The following KATNAL1 variants were observed in gnomAD, a reference collection of about 807,000 sequenced individuals.
KATNAL1 encodes the protein katanin p60 ATPase-containing subunit A-like 1.
A neutral mutation model predicts 55.2 loss-of-function variants in KATNAL1; 32 were observed. That is an observed-to-expected ratio of 0.58 (90% CI 0.44 to 0.78). The LOEUF is 0.78. Among genes scored for constraint, KATNAL1 ranks in the 30% least tolerant of loss-of-function variants. The pLI is 0.00. For missense variants in KATNAL1, 466 were observed against 600.9 expected (o/e 0.78, Z 2.35); for synonymous variants, 193 against 193.6 (o/e 1.00, Z 0.02).
At chr13:30,229,731 A>C (rs542167165) in intron 8 of KATNAL1, among the ~76,000 whole-genome samples, 441 of 152,130 alleles carry the variant, frequency 2.9e-3, no homozygotes, top group South Asian at 0.018. Context: ...AACAAAAAAA[A>C]TTATTGAGAA....
chr13:30,260,554 C>T (rs1053095496), intron 3 of KATNAL1, among the ~76,000 whole-genome samples: 4 of 152,088 alleles, frequency 2.6e-5, no homozygotes, highest in East Asian at 3.9e-4. Context: ...AACCAAGGCT[C>T]GAGAACTACG....
intron 4 of KATNAL1, among the ~76,000 whole-genome samples, chr13:30,249,708 CTTTGGGAAAGAGGTA>C (rs1213783737): frequency 6.6e-6 from 1 of 152,108 alleles, no homozygotes; most frequent in African/African-American, 2.4e-5. Context: ...CAGTGGTTAC[CTTTGGGAAAGAGGTA>C]AGTGGCAAGG....
chr13:30,229,107 C>T (rs563026817), intron 8 of KATNAL1, among the ~76,000 whole-genome samples: 1 of 152,214 alleles, frequency 6.6e-6, no homozygotes, highest in African/African-American at 2.4e-5. Context: ...TTTGCTTGAA[C>T]GGCCTCTTGT....
rs1202419702 is a variant in KATNAL1 at position 30,210,346 on chromosome 13, T to C, written c.1244A>G (p.Tyr415Cys). 9 of 1,608,100 alleles carry C rather than the reference T, an allele frequency of 5.6e-6. No homozygotes were observed. Among genetic ancestry groups the C allele is most frequent in the Non-Finnish European group, 7.6e-6 (9 of 1,178,082 alleles). Residue 415 changes from tyrosine (Y) to cysteine (C), a missense_variant, in exon 10 of 11, where the codon TAT (tyrosine) becomes TGT (cysteine). Coordinates refer to ENST00000380615, the MANE Select transcript of KATNAL1 (RefSeq NM_032116.5). ...LEDIAEKIEGYSGADITNVCR... is the reference protein window; with the variant it reads ...LEDIAEKIEGCSGADITNVCR... ...AACATTAGTGATGTCAGCACCAGAA[T>C]AGCCCTCAATCTTCTCGGCTATATC...
intron 9 of KATNAL1, among the ~76,000 whole-genome samples, chr13:30,216,484 G>A (rs1312167868): frequency 6.6e-6 from 1 of 152,182 alleles, no homozygotes; most frequent in African/African-American, 2.4e-5. Flanking sequence ...ACCAAGCAGA[G>A]CAGTGCCAAA....
chr13:30,227,141 C>T (rs948852775), intron 9 of KATNAL1, among the ~76,000 whole-genome samples: 5 of 151,928 alleles, frequency 3.3e-5, no homozygotes, highest in African/African-American at 1.2e-4. Flanking sequence ...ACAGCATATT[C>T]TGAAAAAGAT....
At chr13:30,210,543 A>C in intron 9 of KATNAL1, 101 bp from the exon 10 acceptor site, 1 of 1,003,078 alleles carries the variant, frequency 1.0e-6, no homozygotes, top group Non-Finnish European at 1.5e-6. Flanking sequence ...AGGCCAATGC[A>C]AAGAAGAGTC....
chr13:30,248,640 C>A (rs1257138230), intron 4 of KATNAL1, among the ~76,000 whole-genome samples: 2 of 152,234 alleles, frequency 1.3e-5, no homozygotes, highest in Non-Finnish European at 2.9e-5. Flanking sequence ...AAAAGACTGA[C>A]AACGCCGGGC....
intron 3 of KATNAL1, among the ~76,000 whole-genome samples, chr13:30,272,041 T>C (rs1299604737): frequency 6.6e-6 from 1 of 152,148 alleles, no homozygotes; most frequent in Non-Finnish European, 1.5e-5. Context: ...AGGAAGTTAT[T>C]TGGTATTTTC....
chr13:30,203,165 G>A lies in KATNAL1; in HGVS notation c.*5375C>T, dbSNP rs1015922439. On this transcript the variant is annotated 3_prime_UTR_variant, in exon 11 of 11. Coordinates refer to ENST00000380615, the MANE Select transcript of KATNAL1 (RefSeq NM_032116.5). ...TAATGAAGCTGACCATAACAAAGAC[G>A]GGAAAAGTAATTCAGACATTTCACA... 3 of 152,058 alleles carry A rather than the reference G, an allele frequency of 2.0e-5. No individual in the cohort carries two copies. Among genetic ancestry groups the A allele is most frequent in the African/African-American group, 7.2e-5 (3 of 41,396 alleles). The allele number at this position is 152,058 out of a possible 1,614,324, so 9.4% of individuals were successfully genotyped here.
intron 3 of KATNAL1, among the ~76,000 whole-genome samples, chr13:30,271,820 C>G (rs911150737): frequency 8.5e-5 from 11 of 129,138 alleles, no homozygotes; most frequent in African/African-American, 3.0e-4. Context: ...AAGCTAAGGA[C>G]TAGGGAGCAA....
At chr13:30,211,825 C>A (rs1172295420) in intron 9 of KATNAL1, among the ~76,000 whole-genome samples, 1 of 152,170 alleles carries the variant, frequency 6.6e-6, no homozygotes, top group Non-Finnish European at 1.5e-5. Flanking sequence ...AGACTTACTA[C>A]AAAGGTATAG....
intron 3 of KATNAL1, among the ~76,000 whole-genome samples, chr13:30,258,482 G>A (rs1878970138): frequency 2.6e-5 from 4 of 151,966 alleles, no homozygotes; most frequent in Admixed American, 2.0e-4. Flanking sequence ...AGATTCAGGG[G>A]TACATGTACA....
chr13:30,210,398 C>G lies in KATNAL1; in HGVS notation c.1192G>C (p.Glu398Gln), dbSNP rs201513671. 17 of 1,606,720 alleles carry G rather than the reference C, an allele frequency of 1.1e-5. No homozygotes were observed. The highest frequency in any genetic ancestry group is 1.4e-5 in the Non-Finnish European group (17 of 1,176,946). ...ELLKINLREV[E>Q]LDPDIQLEDI... The stretch of plus-strand genomic sequence containing the variant: ...TCCAGTTGAATATCAGGATCTAATT[C>G]GACCTCACGAAGGTTGATCTTCAGA... The change falls in exon 10 of 11, where the codon GAA (glutamate) becomes CAA (glutamine). Residue 398 changes from glutamate to glutamine, a missense_variant. By Grantham distance (29) the Glu-to-Gln change is conservative. Around this residue, in one of 3 missense-constraint regions of KATNAL1, gnomAD observed 213 missense variants for 308.6 expected, o/e 0.69. Transcript: ENST00000380615.
rs1882154910 is a variant in KATNAL1, at chr13:30,291,863, T to G, written c.-14-8072A>C. On this transcript the variant is annotated intron_variant, in intron 1 of 10. Coordinates refer to ENST00000380615, the MANE Select transcript of KATNAL1 (RefSeq NM_032116.5). Reference sequence around the variant, plus strand: ...CCAGCCTGACCAACATGAAGAAACCTCGTCTCTACTAAAAATATAAAACTA... The same window carrying G: ...CCAGCCTGACCAACATGAAGAAACCGCGTCTCTACTAAAAATATAAAACTA... Among the ~76,000 whole-genome samples the G allele has an allele frequency of 3.3e-5, 5 of 152,034 alleles. No individual in the cohort carries two copies. In the South Asian group the frequency reaches 1.0e-3, roughly 32 times the overall value.
intron 1 of KATNAL1, among the ~76,000 whole-genome samples, chr13:30,297,143 TAAAA>T (rs560378346): frequency 1.9e-5 from 2 of 103,682 alleles, no homozygotes; most frequent in Non-Finnish European, 4.0e-5. Flanking sequence ...ACCCTGCCTC[TAAAA>T]AAAAAAAAAA....
rs1396695658 is a variant in KATNAL1 at position 30,241,005 on chromosome 13, C to G, written c.574G>C (p.Glu192Gln). ...GATACAATGTCTCTTTCAAGGGCTT[C>G]CACCAGATCCTTATCATAACCAGCA... ...DGAGYDKDLVEALERDIVSRN... is the reference protein window; with the variant it reads ...DGAGYDKDLVQALERDIVSRN... Residue 192 changes from glutamate to glutamine, a missense_variant, in exon 5 of 11, where the codon GAA becomes CAA. Around this residue, in one of 3 missense-constraint regions of KATNAL1, gnomAD observed 248 missense variants for 275.5 expected, o/e 0.90. Coordinates refer to ENST00000380615, the MANE Select transcript of KATNAL1 (RefSeq NM_032116.5). 1 of 1,613,490 alleles carries G rather than the reference C, an allele frequency of 6.2e-7. No homozygotes were observed. The highest frequency in any genetic ancestry group is 8.5e-7 in the Non-Finnish European group (1 of 1,179,752).
intron 1 of KATNAL1, among the ~76,000 whole-genome samples, chr13:30,292,199 T>G (rs1335190992): frequency 6.6e-6 from 1 of 152,108 alleles, no homozygotes; most frequent in Admixed American, 6.5e-5. Context: ...GAAGGACAAT[T>G]TTTTCCAGCA....
chr13:30,219,399 T>A (rs1346737574), intron 9 of KATNAL1, among the ~76,000 whole-genome samples: 1 of 152,216 alleles, frequency 6.6e-6, no homozygotes, highest in Non-Finnish European at 1.5e-5. Flanking sequence ...ACTTCCTCCA[T>A]GAAGTCTCCC....
Sources: allele counts gnomAD v4.1 joint callset (sites outside exome capture counted in the v4.1 genomes callset), GRCh38; gene constraint gnomAD v4.1.1; regional missense constraint gnomAD v4.1.1; transcripts MANE v1.5; gene names NCBI Gene and HGNC (gene_info 2026-07-23, HGNC 2026-07-21).